Variants in PIWIL2 observed in about 807,000 individuals in gnomAD.
PIWIL2 encodes piwi like RNA-mediated gene silencing 2, also known as piwi-like protein 2.
In PIWIL2, 81 loss-of-function variants were observed where a neutral mutation model predicts 116.5. That is an observed-to-expected ratio of 0.70 (90% CI 0.58 to 0.84). The LOEUF is 0.84. PIWIL2 is among the 40% of genes least tolerant of loss of function. The pLI is 0.00. For synonymous variants in PIWIL2, 489 were observed against 429.5 expected (o/e 1.14, Z -1.71); for missense variants, 1,272 against 1,212.3 (o/e 1.05, Z -0.73).
intron 21 of PIWIL2, 90 bp downstream of exon 21, chr8:22,353,302 G>C: frequency 8.6e-7 from 1 of 1,169,028 alleles, no homozygotes; most frequent in Non-Finnish European, 1.2e-6. Context: ...GTTTCCTGGA[G>C]AGTTGTGGAC....
intron 10 of PIWIL2, among the ~76,000 whole-genome samples, chr8:22,293,967 G>T (rs1830825329): frequency 6.6e-6 from 1 of 152,144 alleles, no homozygotes; most frequent in Non-Finnish European, 1.5e-5. Context: ...TTAGCATTTT[G>T]ATGGGCATTG....
intron 10 of PIWIL2, among the ~76,000 whole-genome samples, chr8:22,295,005 G>C (rs1830862851): frequency 6.6e-6 from 1 of 151,834 alleles, no homozygotes; most frequent in Non-Finnish European, 1.5e-5. Flanking sequence ...CTTGAACCTG[G>C]GAGGTGGAGG....
At chr8:22,337,194 A>G (rs1280693362) in intron 20 of PIWIL2, among the ~76,000 whole-genome samples, 3 of 152,176 alleles carry the variant, frequency 2.0e-5, no homozygotes, top group Non-Finnish European at 4.4e-5. Flanking sequence ...AGAAAACTGC[A>G]GAAGGATCCA....
At chr8:22,321,421 T>A (rs1831596552) in intron 20 of PIWIL2, among the ~76,000 whole-genome samples, 1 of 152,024 alleles carries the variant, frequency 6.6e-6, no homozygotes, top group African/African-American at 2.4e-5. Flanking sequence ...CCAAAAGGTT[T>A]CATTTCTTTC....
At position 22,355,741 on chromosome 8, in the gene PIWIL2, T is replaced by C; in HGVS notation, c.*236T>C. On this transcript the variant is annotated 3_prime_UTR_variant, in exon 23 of 23. Coordinates refer to ENST00000356766, the MANE Select transcript of PIWIL2 (RefSeq NM_018068.5). ...TGTGTAGAGCAAGTTACGGTGGTAC[T>C]GCCACTCTGCAGGTGGAGCGGGTGA... 1 of 503,632 alleles carries C rather than the reference T, an allele frequency of 2.0e-6. No individual in the cohort carries two copies. The highest frequency in any genetic ancestry group is 3.6e-6 in the Non-Finnish European group (1 of 278,610). 31.2% of individuals were successfully genotyped at this position (503,632 alleles called of 1,614,324 possible).
At chr8:22,292,220 T>G (rs1469313564) in intron 10 of PIWIL2, among the ~76,000 whole-genome samples, 1 of 152,188 alleles carries the variant, frequency 6.6e-6, no homozygotes, top group Non-Finnish European at 1.5e-5. Context: ...GGTTTTAACT[T>G]TCACTGTGAG....
At chr8:22,321,189 G>T (rs1406383496) in intron 20 of PIWIL2, among the ~76,000 whole-genome samples, 3 of 151,718 alleles carry the variant, frequency 2.0e-5, no homozygotes, top group East Asian at 2.0e-4. Context: ...TGAATCAAAA[G>T]AATTTTTTTT....
At position 22,356,215 on chromosome 8, in the gene PIWIL2, C is replaced by T. The variant is rs1832488026; in HGVS notation, c.*710C>T. The T allele has an allele frequency of 6.6e-6, 1 of 152,134 alleles. No homozygotes were observed. Among genetic ancestry groups the T allele is most frequent in the Non-Finnish European group, 1.5e-5 (1 of 68,036 alleles). The allele number at this position is 152,134 out of a possible 1,614,324, so 9.4% of individuals were successfully genotyped here. A position where few individuals can be genotyped will look rare whatever the true frequency, so the allele number is the denominator to read the frequency against. On this transcript the variant is annotated 3_prime_UTR_variant, in exon 23 of 23. Transcript: ENST00000356766. Reference sequence around the variant, plus strand: ...ATTGCAAGTTGCCTGAAGAGAATTACTCAGGCAACTGGGAAAGGCAGTGGA... The same window carrying T: ...ATTGCAAGTTGCCTGAAGAGAATTATTCAGGCAACTGGGAAAGGCAGTGGA...
intron 10 of PIWIL2, among the ~76,000 whole-genome samples, chr8:22,295,904 T>G (rs1830888127): frequency 6.6e-6 from 1 of 152,208 alleles, no homozygotes; most frequent in Non-Finnish European, 1.5e-5. Flanking sequence ...AATGAGCCAT[T>G]CCTACTGAAT....
chr8:22,325,481 CTTTTTTTTT>C (rs749493740), intron 20 of PIWIL2, among the ~76,000 whole-genome samples: 8 of 95,040 alleles, frequency 8.4e-5, no homozygotes, highest in Non-Finnish European at 1.2e-4. Flanking sequence ...TTGATTTAGT[CTTTTTTTTT>C]TTTTTTTTTT....
intron 20 of PIWIL2, among the ~76,000 whole-genome samples, chr8:22,334,758 A>G (rs769930167): frequency 6.6e-6 from 1 of 152,012 alleles, no homozygotes; most frequent in Non-Finnish European, 1.5e-5. Context: ...ATTATTGTAA[A>G]TTAAGATGTT....
intron 8 of PIWIL2, among the ~76,000 whole-genome samples, chr8:22,289,234 C>G (rs1830701305): frequency 6.6e-6 from 1 of 151,132 alleles, no homozygotes; most frequent in Non-Finnish European, 1.5e-5. Context: ...CTCACTGCAA[C>G]CTCCGACTCC....
intron 16 of PIWIL2, among the ~76,000 whole-genome samples, chr8:22,311,852 G>C (rs1831339726): frequency 6.6e-6 from 1 of 152,182 alleles, no homozygotes; most frequent in African/African-American, 2.4e-5. Context: ...CAAGGGGAAG[G>C]CTTTTGGAAG....
chr8:22,321,567 T>C (rs1831600379), intron 20 of PIWIL2, among the ~76,000 whole-genome samples: 1 of 152,070 alleles, frequency 6.6e-6, no homozygotes, highest in Non-Finnish European at 1.5e-5. Context: ...ATTGAAAAAA[T>C]AAGCCAGGCT....
At chr8:22,351,528 T>TTTTTTTTG in intron 20 of PIWIL2, among the ~76,000 whole-genome samples, 1 of 135,806 alleles carries the variant, frequency 7.4e-6, no homozygotes, top group East Asian at 2.2e-4. Flanking sequence ...TTTTGGTGTT[T>TTTTTTTTG]TTTTTTTGTT....
chr8:22,342,841 A>G (rs1832141537), intron 20 of PIWIL2, among the ~76,000 whole-genome samples: 1 of 152,234 alleles, frequency 6.6e-6, no homozygotes, highest in Admixed American at 6.5e-5. Context: ...TTAGGAAGAA[A>G]TATTTGCAAA....
chr8:22,333,401 C>T (rs1354755586), intron 20 of PIWIL2, among the ~76,000 whole-genome samples: 1 of 152,038 alleles, frequency 6.6e-6, no homozygotes, highest in Non-Finnish European at 1.5e-5. Context: ...CACCTGAGGT[C>T]AGGAGTTCGA....
At chr8:22,301,036 G>A (rs1036181577) in intron 10 of PIWIL2, among the ~76,000 whole-genome samples, 1 of 151,894 alleles carries the variant, frequency 6.6e-6, no homozygotes, top group Non-Finnish European at 1.5e-5. Context: ...CTGGAGCGCA[G>A]AGGTGCAGTC....
chr8:22,288,495 T>C (rs1243580827), intron 7 of PIWIL2, 47 bp from the exon 8 acceptor site: 3 of 1,541,642 alleles, frequency 1.9e-6, no homozygotes, highest in Non-Finnish European at 1.8e-6. Context: ...TGGTCATTAG[T>C]TCTTAGTTTT....
Sources: allele counts gnomAD v4.1 joint callset (sites outside exome capture counted in the v4.1 genomes callset), GRCh38; gene constraint gnomAD v4.1.1; transcripts MANE v1.5; gene names NCBI Gene and HGNC (gene_info 2026-07-23, HGNC 2026-07-21).